Variants in UNC5C observed in about 807,000 individuals in gnomAD.
The protein encoded by UNC5C is unc-5 netrin receptor C.
UNC5C carries 47 observed loss-of-function variants against 99.8 expected under a neutral mutation model. The observed-to-expected ratio is 0.47, with a 90% CI of 0.37 to 0.60. The LOEUF is 0.60. Among genes scored for constraint, UNC5C ranks in the 20% least tolerant of loss-of-function variants. The probability of loss-of-function intolerance (pLI) is 0.00; values close to 1 mark genes in which losing one functional copy is unlikely to be tolerated. For synonymous variants in UNC5C, 487 were observed against 452.2 expected (o/e 1.08, Z -0.98); for missense variants, 1,062 against 1,165.9 (o/e 0.91, Z 1.30).
At chr4:95,407,192 C>T (rs1199954615) in intron 1 of UNC5C, among the ~76,000 whole-genome samples, 2 of 152,046 alleles carry the variant, frequency 1.3e-5, no homozygotes, top group South Asian at 2.1e-4. Context: ...GATTATAAAG[C>T]TCTTATCTAG....
At position 95,304,289 on chromosome 4, in the gene UNC5C, T is replaced by C. The variant is rs182913366; in HGVS notation, c.347-2540A>G. Among the ~76,000 whole-genome samples, 45 of 152,312 alleles carry C rather than the reference T, an allele frequency of 3.0e-4. 1 individual carries two copies. The highest frequency in any genetic ancestry group is 2.7e-3 in the Admixed American group (41 of 15,302). ...TTGTATGTTTATATATTAACCAGTT[T>C]AAAAAGAATTTCCAAGTAAGTGGCA... On this transcript the variant is annotated intron_variant, in intron 2 of 15. Coordinates refer to ENST00000453304, the MANE Select transcript of UNC5C (RefSeq NM_003728.4).
chr4:95,517,444 C>A (rs1722246619), intron 1 of UNC5C, among the ~76,000 whole-genome samples: 1 of 152,140 alleles, frequency 6.6e-6, no homozygotes, highest in Non-Finnish European at 1.5e-5. Context: ...GGAGTCCCAT[C>A]TGTATCATAA....
At chr4:95,217,854 A>T (rs1481100474) in intron 9 of UNC5C, among the ~76,000 whole-genome samples, 1 of 152,266 alleles carries the variant, frequency 6.6e-6, no homozygotes, top group African/African-American at 2.4e-5. Flanking sequence ...TTTAAAGAGC[A>T]TGCAATAGCA....
At chr4:95,509,718 T>A (rs925963147) in intron 1 of UNC5C, among the ~76,000 whole-genome samples, 1 of 151,904 alleles carries the variant, frequency 6.6e-6, no homozygotes, top group Non-Finnish European at 1.5e-5. Flanking sequence ...TTAATTGTAT[T>A]CTCAGTATAT....
At chr4:95,350,318 C>T (rs1241739029) in intron 1 of UNC5C, among the ~76,000 whole-genome samples, 2 of 151,954 alleles carry the variant, frequency 1.3e-5, no homozygotes, top group East Asian at 1.9e-4. Context: ...GAAACCCCAT[C>T]TCTACTAAAA....
rs1052037809 is a variant in UNC5C, at chr4:95,206,480, A to G, written c.1902+148T>C. 45 of 1,095,430 alleles carry G rather than the reference A, an allele frequency of 4.1e-5. No individual in the cohort carries two copies. In the Middle Eastern group the frequency reaches 1.2e-3, roughly 30 times the overall value. 67.9% of individuals were successfully genotyped at this position (1,095,430 alleles called of 1,614,324 possible). On this transcript the variant is annotated intron_variant, in intron 11 of 15. Transcript: ENST00000453304. ...TCAGAAGATATAACACTCAGGAACT[A>G]GTCTGCCTGCCTGTTTCTCTCTCAT... is the stretch of plus-strand genomic sequence containing the variant.
chr4:95,537,711 C>A (rs879395231), intron 1 of UNC5C, among the ~76,000 whole-genome samples: 10 of 152,254 alleles, frequency 6.6e-5, no homozygotes, highest in Admixed American at 6.5e-4. Flanking sequence ...TTTCAGACAG[C>A]AATAATGCAT....
At chr4:95,310,199 T>C (rs540363813) in intron 2 of UNC5C, among the ~76,000 whole-genome samples, 3 of 152,174 alleles carry the variant, frequency 2.0e-5, no homozygotes, top group African/African-American at 4.8e-5. Flanking sequence ...GGAAGACAAA[T>C]ACTGCATGAT....
intron 5 of UNC5C, among the ~76,000 whole-genome samples, chr4:95,249,035 C>T (rs1306574979): frequency 6.6e-6 from 1 of 152,008 alleles, no homozygotes; most frequent in African/African-American, 2.4e-5. Context: ...TTTTATAGCA[C>T]CTTTTCTATG....
intron 1 of UNC5C, among the ~76,000 whole-genome samples, chr4:95,534,420 G>T (rs913452075): frequency 1.3e-5 from 2 of 152,076 alleles, no homozygotes; most frequent in Non-Finnish European, 2.9e-5. Flanking sequence ...ATTTTACAAT[G>T]ACACATTTTA....
rs558054154 is a variant in UNC5C, at chr4:95,168,464, A to C, written c.*770T>G. ...TTTAAAAAAAAACACTTCATATTGC[A>C]TATTACAAACAAACACACATGTTGT... is the stretch of plus-strand genomic sequence containing the variant. On this transcript the variant is annotated 3_prime_UTR_variant, in exon 16 of 16. Transcript: ENST00000453304. 6.6e-6 allele frequency: 1 copy of C among 152,624 alleles called. No homozygotes were observed. Among genetic ancestry groups the C allele is most frequent in the East Asian group, 1.9e-4 (1 of 5,198 alleles). The allele number at this position is 152,624 out of a possible 1,614,324, so 9.5% of individuals were successfully genotyped here. A position where few individuals can be genotyped will look rare whatever the true frequency, so the allele number is the denominator to read the frequency against.
intron 10 of UNC5C, among the ~76,000 whole-genome samples, chr4:95,214,793 G>C (rs1738192030): frequency 1.3e-5 from 2 of 152,236 alleles, no homozygotes; most frequent in Non-Finnish European, 2.9e-5. Context: ...CTCTGGAAGA[G>C]AGAAAGAAAA....
chr4:95,349,266 A>G (rs1743894428), intron 1 of UNC5C, among the ~76,000 whole-genome samples: 1 of 149,916 alleles, frequency 6.7e-6, no homozygotes, highest in African/African-American at 2.4e-5. Context: ...CTCTGAACCC[A>G]CAAAAATTAC....
chr4:95,185,545 A>G (rs1274188712), intron 12 of UNC5C, among the ~76,000 whole-genome samples: 5 of 152,230 alleles, frequency 3.3e-5, no homozygotes, highest in Non-Finnish European at 7.3e-5. Context: ...AATTAAAGAA[A>G]AAATAGGTAG....
intron 14 of UNC5C, among the ~76,000 whole-genome samples, chr4:95,176,396 G>C (rs553282046): frequency 6.6e-6 from 1 of 151,766 alleles, no homozygotes; most frequent in South Asian, 2.1e-4. Context: ...GGTCTTTGAT[G>C]ATGGTGATGT....
At chr4:95,545,998 T>G (rs1159649782) in intron 1 of UNC5C, among the ~76,000 whole-genome samples, 1 of 152,240 alleles carries the variant, frequency 6.6e-6, no homozygotes, top group Non-Finnish European at 1.5e-5. Flanking sequence ...CTCAGTACAC[T>G]CACAAATAAT....
chr4:95,448,227 T>TGTGA lies in UNC5C; in HGVS notation c.124+100506_124+100507insTCAC, dbSNP rs1339694230. On this transcript the variant is annotated intron_variant, in intron 1 of 15. Coordinates refer to ENST00000453304, the MANE Select transcript of UNC5C (RefSeq NM_003728.4). ...GTGTGTGTGTGTGTGTGTGTGTGTG[T>TGTGA]GAGAGAGAGAGAGAGAGAGAGAGAG... Among the ~76,000 whole-genome samples, 22 of 100,144 alleles carry TGTGA rather than the reference T, an allele frequency of 2.2e-4. 1 individual carries two copies. The South Asian group carries it at 2.6e-3, about 12-fold the overall frequency. 65.7% of individuals were successfully genotyped at this position (100,144 alleles called of 152,430 possible).
At chr4:95,456,104 C>G (rs1191296267) in intron 1 of UNC5C, among the ~76,000 whole-genome samples, 1 of 151,946 alleles carries the variant, frequency 6.6e-6, no homozygotes, top group Non-Finnish European at 1.5e-5. Flanking sequence ...TGCTGAGTGG[C>G]TGCATGTAAA....
chr4:95,271,798 T>C (rs1740676865), intron 4 of UNC5C, among the ~76,000 whole-genome samples: 1 of 152,206 alleles, frequency 6.6e-6, no homozygotes, highest in Non-Finnish European at 1.5e-5. Context: ...TTTTCAGGCA[T>C]TTAAAGAAAA....
Sources: allele counts gnomAD v4.1 joint callset (sites outside exome capture counted in the v4.1 genomes callset), GRCh38; gene constraint gnomAD v4.1.1; transcripts MANE v1.5; gene names NCBI Gene and HGNC (gene_info 2026-07-23, HGNC 2026-07-21).